The following DPP10 variants were observed in gnomAD, a reference collection of about 807,000 sequenced individuals.
The protein encoded by DPP10 is inactive dipeptidyl peptidase 10.
A neutral mutation model predicts 120.9 loss-of-function variants in DPP10; 33 were observed. That is an observed-to-expected ratio of 0.27 (90% CI 0.21 to 0.37). The LOEUF is 0.37. DPP10 is among the 10% of genes least tolerant of loss of function. The pLI is 1.00. For missense variants in DPP10, 816 were observed against 942.8 expected, an observed-to-expected ratio of 0.87 and a Z score of 1.76; for synonymous variants, 337 against 326.1, an observed-to-expected ratio of 1.03 and a Z score of -0.36.
intron 3 of DPP10, among the ~76,000 whole-genome samples, chr2:115,453,282 C>T (rs1473039095): frequency 1.3e-5 from 2 of 151,480 alleles, no homozygotes; most frequent in African/African-American, 2.4e-5. Context: ...AGAAGGAACT[C>T]ATACATTAAA....
chr2:114,565,204 T>C (rs1173134051), intron 1 of DPP10, among the ~76,000 whole-genome samples: 2 of 152,210 alleles, frequency 1.3e-5, no homozygotes, highest in Non-Finnish European at 2.9e-5. Flanking sequence ...TCCTTAGCCT[T>C]AGTGGACTAG....
chr2:114,829,233 T>C (rs1375239111), intron 1 of DPP10, among the ~76,000 whole-genome samples: 2 of 151,850 alleles, frequency 1.3e-5, no homozygotes, highest in Non-Finnish European at 2.9e-5. Context: ...GAGGTAGCAG[T>C]GAGCCAAGAT....
intron 2 of DPP10, among the ~76,000 whole-genome samples, chr2:115,322,751 T>C (rs903756986): frequency 6.6e-6 from 1 of 152,224 alleles, no homozygotes; most frequent in Admixed American, 6.5e-5. Flanking sequence ...AAGCAAATCA[T>C]ACAATTTTTT....
intron 3 of DPP10, chr2:115,440,816 A>T (rs1333409957): frequency 6.7e-6 from 1 of 148,734 alleles, no homozygotes; most frequent in Non-Finnish European, 1.5e-5. Flanking sequence ...TATGCCGGAC[A>T]GGAACTCAAG....
At chr2:115,406,450 T>C (rs2068515202) in intron 3 of DPP10, among the ~76,000 whole-genome samples, 2 of 152,198 alleles carry the variant, frequency 1.3e-5, no homozygotes, top group Non-Finnish European at 2.9e-5. Context: ...AATAGAATAT[T>C]ATTCTACTTA....
intron 1 of DPP10, among the ~76,000 whole-genome samples, chr2:115,255,064 C>T (rs533665643): frequency 2.0e-5 from 3 of 152,340 alleles, no homozygotes; most frequent in East Asian, 3.9e-4. Context: ...CCACATTTGC[C>T]TTCCACACTG....
chr2:115,696,193 A>C (rs529835047), intron 7 of DPP10, among the ~76,000 whole-genome samples: 1 of 152,158 alleles, frequency 6.6e-6, no homozygotes, highest in Non-Finnish European at 1.5e-5. Flanking sequence ...TAGAAAAAAT[A>C]TTTTTAAAAA....
At chr2:115,325,822 C>T (rs986635292) in intron 2 of DPP10, among the ~76,000 whole-genome samples, 1 of 152,022 alleles carries the variant, frequency 6.6e-6, no homozygotes, top group African/African-American at 2.4e-5. Flanking sequence ...ATATGTGCTC[C>T]TCTGTTAATT....
At chr2:115,465,534 A>G (rs1018945772) in intron 3 of DPP10, among the ~76,000 whole-genome samples, 1 of 152,162 alleles carries the variant, frequency 6.6e-6, no homozygotes, top group African/African-American at 2.4e-5. Flanking sequence ...TTAAAATGGA[A>G]AATGTAGGCC....
rs775380081 is a variant in DPP10, at chr2:115,161,951, C to T, written c.61-147288C>T. 518 of 1,438,222 alleles carry T rather than the reference C, an allele frequency of 3.6e-4. No homozygotes were observed. Among genetic ancestry groups the T allele is most frequent in the Non-Finnish European group, 4.3e-4 (472 of 1,101,166 alleles). 89.1% of individuals were successfully genotyped at this position (1,438,222 alleles called of 1,614,324 possible). ...AGGAAGCGAGCGCCAGCGCGGGCCGCCGGCGATGACGGCCGCGAAGCAGGA... is the reference window on the plus strand; with the variant it reads ...AGGAAGCGAGCGCCAGCGCGGGCCGTCGGCGATGACGGCCGCGAAGCAGGA... On this transcript the variant is annotated intron_variant, in intron 1 of 25. Transcript: ENST00000410059.
intron 1 of DPP10, among the ~76,000 whole-genome samples, chr2:114,458,062 A>G (rs1360390119): frequency 6.6e-6 from 1 of 152,184 alleles, no homozygotes; most frequent in Non-Finnish European, 1.5e-5. Flanking sequence ...AACAAGGTAG[A>G]AAGATACAGA....
chr2:114,825,786 G>C (rs1300659729), intron 1 of DPP10, among the ~76,000 whole-genome samples: 2 of 152,184 alleles, frequency 1.3e-5, no homozygotes, highest in Non-Finnish European at 2.9e-5. Flanking sequence ...AGAGTGGCTA[G>C]TATGAACAGT....
chr2:115,510,306 A>C (rs1220790903), intron 4 of DPP10, among the ~76,000 whole-genome samples: 2 of 152,160 alleles, frequency 1.3e-5, no homozygotes, highest in African/African-American at 4.8e-5. Flanking sequence ...GTTTAGTTCT[A>C]TGATACATTT....
intron 1 of DPP10, among the ~76,000 whole-genome samples, chr2:114,648,013 T>C (rs1696268900): frequency 6.6e-6 from 1 of 152,138 alleles, no homozygotes; most frequent in Non-Finnish European, 1.5e-5. Context: ...AGAGGCAGTA[T>C]AACCATGAAA....
chr2:114,729,626 A>G (rs35456562), intron 1 of DPP10, among the ~76,000 whole-genome samples: 6,591 of 152,314 alleles, frequency 0.043, 173 homozygotes, highest in South Asian at 0.097. Context: ...GATCTACTGA[A>G]TCAGAAGTTT....
Position 114,731,210 on chromosome 2 carries a change from C to G in DPP10, c.60+288372C>G, listed in dbSNP as rs1173820620. ...TTGTCCATGCTCTGTGCCAAACCTC[C>G]CCTCTCACTTGAGGCTTTTTTTTTT... On this transcript the variant is annotated intron_variant, in intron 1 of 25. Transcript: ENST00000410059. 7.3e-5 allele frequency among the ~76,000 whole-genome samples: 11 copies of G among 151,654 alleles called. 1 individual carries two copies. Among genetic ancestry groups the G allele is most frequent in the Admixed American group, 3.3e-4 (5 of 15,240 alleles).
chr2:115,013,878 C>G (rs1166695484), intron 1 of DPP10, among the ~76,000 whole-genome samples: 8 of 151,960 alleles, frequency 5.3e-5, no homozygotes, highest in African/African-American at 1.9e-4. Context: ...GACTTAGACC[C>G]CCATGTAATA....
At chr2:114,638,881 C>T (rs1465201860) in intron 1 of DPP10, among the ~76,000 whole-genome samples, 1 of 151,824 alleles carries the variant, frequency 6.6e-6, no homozygotes, top group Non-Finnish European at 1.5e-5. Flanking sequence ...ACCATAGGAG[C>T]AAGTTAGGCG....
At chr2:115,142,555 G>T (rs1359834182) in intron 1 of DPP10, among the ~76,000 whole-genome samples, 3 of 152,198 alleles carry the variant, frequency 2.0e-5, no homozygotes, top group Non-Finnish European at 2.9e-5. Context: ...ATTTACTGCA[G>T]CTTTGAAAAA....
Sources: allele counts gnomAD v4.1 joint callset (sites outside exome capture counted in the v4.1 genomes callset), GRCh38; gene constraint gnomAD v4.1.1; transcripts MANE v1.5; gene names NCBI Gene and HGNC (gene_info 2026-07-23, HGNC 2026-07-21).